ATRN: variants seen among roughly 807,000 people sequenced by gnomAD.
The protein encoded by ATRN is attractin, also known as attractin-2.
In ATRN, 54 loss-of-function variants were observed where a neutral mutation model predicts 178.7. The observed-to-expected ratio is 0.30, with a 90% CI of 0.24 to 0.38. ATRN has a LOEUF of 0.38. Among genes scored for constraint, ATRN ranks in the 10% least tolerant of loss-of-function variants. ATRN has a pLI of 1.00. For synonymous variants in ATRN, 636 were observed against 663.0 expected, an observed-to-expected ratio of 0.96 and a Z score of 0.63; for missense variants, 1,443 against 1,815.1, an observed-to-expected ratio of 0.79 and a Z score of 3.73.
intron 22 of ATRN, 140 bp from the exon 23 acceptor site, chr20:3,600,806 C>A: frequency 1.3e-6 from 1 of 775,650 alleles, no homozygotes; most frequent in Non-Finnish European, 2.0e-6. Flanking sequence ...AGAAATTTTG[C>A]TAACTCTTCT....
chr20:3,574,206 TA>T (rs139578238), intron 12 of ATRN, among the ~76,000 whole-genome samples: 7,245 of 152,232 alleles, frequency 0.048, 521 homozygotes, highest in African/African-American at 0.16. Flanking sequence ...TTCACGAATA[TA>T]AATTCTCAGT....
chr20:3,473,289 G>A (rs1224216444), intron 1 of ATRN, among the ~76,000 whole-genome samples: 1 of 152,198 alleles, frequency 6.6e-6, no homozygotes, highest in African/African-American at 2.4e-5. Flanking sequence ...ACTTAGTCTA[G>A]GGGTAAGGTA....
intron 1 of ATRN, among the ~76,000 whole-genome samples, chr20:3,510,571 T>A (rs1196535529): frequency 6.6e-6 from 1 of 152,222 alleles, no homozygotes; most frequent in Non-Finnish European, 1.5e-5. Flanking sequence ...ACATTCCCCC[T>A]CTTTTAATCC....
chr20:3,548,616 A>T, intron 5 of ATRN, among the ~76,000 whole-genome samples: 1 of 151,800 alleles, frequency 6.6e-6, no homozygotes. Context: ...AAAAAAAAAA[A>T]AAAAGATAAT....
chr20:3,471,455 C>A lies in ATRN; in HGVS notation c.348C>A (p.Gly116=). 1 of 1,431,262 alleles carries A rather than the reference C, an allele frequency of 7.0e-7. No individual in the cohort carries two copies. The highest frequency in any genetic ancestry group is 9.1e-7 in the Non-Finnish European group (1 of 1,100,374). 88.7% of individuals were successfully genotyped at this position (1,431,262 alleles called of 1,614,324 possible). A position where few individuals can be genotyped will look rare whatever the true frequency, so the allele number is the denominator to read the frequency against. Residue 116 remains glycine, a synonymous_variant, in exon 1 of 29, where the codon GGC becomes GGA. Transcript: ENST00000262919. ...VNGGRCNPGT[G]QCVCPAGWVG... is the part of the protein sequence containing the mutation. ...GCGGTCGCTGCAACCCTGGCACCGG[C>A]CAGTGCGTCTGCCCCGCCGGCTGGG... is the stretch of plus-strand genomic sequence containing the variant.
chr20:3,542,866 T>C (rs1337476001), intron 3 of ATRN, among the ~76,000 whole-genome samples: 1 of 150,952 alleles, frequency 6.6e-6, no homozygotes, highest in South Asian at 2.1e-4. Context: ...CTTGAACTCC[T>C]GGGCTCAAGC....
In ATRN at chr20:3,572,868, C is replaced by T; in HGVS notation, c.2009C>T (p.Thr670Ile). ...AGPGIRCVWNTGSSQCISWAL... is the reference protein window; with the variant it reads ...AGPGIRCVWNIGSSQCISWAL... ...CCTGGTATTCGGTGTGTGTGGAACA[C>T]AGGGTCGTCTCAGTGTATCTCGTGG... Residue 670 changes from threonine (T) to isoleucine (I), a missense_variant, in exon 12 of 29, where the codon ACA becomes ATA. Thr to Ile is a moderately conservative substitution (Grantham distance 89, BLOSUM62 -1). This residue lies in a region of ATRN where 862 missense variants were observed against 972.1 expected (regional missense o/e 0.89). Transcript: ENST00000262919. 1.9e-6 allele frequency: 3 copies of T among 1,613,794 alleles called. No individual in the cohort carries two copies. The highest frequency in any genetic ancestry group is 2.5e-6 in the Non-Finnish European group (3 of 1,179,946).
chr20:3,561,020 G>A, intron 8 of ATRN, 115 bp downstream of exon 8: 1 of 1,348,098 alleles, frequency 7.4e-7, no homozygotes, highest in Non-Finnish European at 1.0e-6. Flanking sequence ...ACTTTATCTT[G>A]AAACATAGTA....
intron 6 of ATRN, among the ~76,000 whole-genome samples, chr20:3,558,167 T>C (rs2085903291): frequency 6.6e-6 from 1 of 152,200 alleles, no homozygotes; most frequent in African/African-American, 2.4e-5. Flanking sequence ...TGTTATACAT[T>C]ACAGATATAT....
chr20:3,609,046 G>A (rs919607750), intron 24 of ATRN, among the ~76,000 whole-genome samples: 2 of 151,342 alleles, frequency 1.3e-5, no homozygotes, highest in Non-Finnish European at 2.9e-5. Context: ...TTTTAGGATT[G>A]TTTTTTCTAT....
chr20:3,549,931 T>C (rs1005293981), intron 6 of ATRN, among the ~76,000 whole-genome samples: 2 of 152,228 alleles, frequency 1.3e-5, no homozygotes, highest in African/African-American at 4.8e-5. Context: ...TCTGGAAATA[T>C]GGCAGTGGTG....
At chr20:3,601,811 C>T (rs2146287263) in intron 23 of ATRN, among the ~76,000 whole-genome samples, 1 of 149,196 alleles carries the variant, frequency 6.7e-6, no homozygotes, top group East Asian at 2.0e-4. Flanking sequence ...TTGCACTGAG[C>T]CATGATCGCA....
At chr20:3,533,807 T>C (rs1258475336) in intron 1 of ATRN, among the ~76,000 whole-genome samples, 1 of 152,212 alleles carries the variant, frequency 6.6e-6, no homozygotes, top group Non-Finnish European at 1.5e-5. Context: ...TGTATATCTA[T>C]ATCTATATAG....
chr20:3,490,530 G>C, intron 1 of ATRN: 2 of 1,196,460 alleles, frequency 1.7e-6, no homozygotes, highest in South Asian at 2.4e-5. Flanking sequence ...AGATGGACAG[G>C]TATGTGATAT....
chr20:3,633,654 G>C (rs1041665040), intron 25 of ATRN, among the ~76,000 whole-genome samples: 1 of 152,122 alleles, frequency 6.6e-6, no homozygotes, highest in East Asian at 1.9e-4. Context: ...TGTTCTCTTT[G>C]CCATCACTGT....
intron 11 of ATRN, among the ~76,000 whole-genome samples, chr20:3,568,665 A>G (rs1026283705): frequency 3.9e-5 from 6 of 152,236 alleles, no homozygotes; most frequent in African/African-American, 1.4e-4. Flanking sequence ...TTCATCAACC[A>G]GTCAGCATAC....
chr20:3,556,486 C>G (rs915580426), intron 6 of ATRN, among the ~76,000 whole-genome samples: 2 of 152,140 alleles, frequency 1.3e-5, no homozygotes, highest in Non-Finnish European at 2.9e-5. Flanking sequence ...ATTGGGTTAC[C>G]AGGCCATTAT....
chr20:3,594,617 G>A (rs776964974), intron 20 of ATRN, 45 bp downstream of exon 20: 1 of 1,532,240 alleles, frequency 6.5e-7, no homozygotes, highest in Non-Finnish European at 8.9e-7. Flanking sequence ...CCAAGAGGCT[G>A]TGCAGCTGCC....
Position 3,646,851 on chromosome 20 carries a change from T to A in ATRN, c.*4T>A, listed in dbSNP as rs765177852. On this transcript the variant is annotated 3_prime_UTR_variant, in exon 29 of 29. Coordinates refer to ENST00000262919, the MANE Select transcript of ATRN (RefSeq NM_139321.3). ...ACAGCCTGGGACCTGCATCTGATGC[T>A]GGGGCCAGGGACTCTCCCACGCACG... is the stretch of plus-strand genomic sequence containing the variant. The A allele has an allele frequency of 2.5e-6, 4 of 1,613,148 alleles. No individual in the cohort carries two copies. Among genetic ancestry groups the A allele is most frequent in the Non-Finnish European group, 2.5e-6 (3 of 1,179,802 alleles).
Sources: gnomAD v4.1 joint callset for allele counts (sites outside exome capture counted in the v4.1 genomes callset) on GRCh38, gnomAD v4.1.1 for gene constraint, gnomAD v4.1.1 regional missense constraint, MANE v1.5 for transcripts, NCBI Gene and HGNC (gene_info 2026-07-23, HGNC 2026-07-21) for gene names.